Variants in SCOC observed in about 807,000 individuals in gnomAD.
The protein encoded by SCOC is short coiled-coil protein.
SCOC carries 7 observed loss-of-function variants against 9.9 expected under a neutral mutation model. The ratio of observed to expected loss-of-function variants is 0.71; its 90% CI spans 0.40 to 1.33. The LOEUF (loss-of-function observed/expected upper bound fraction) is 1.33, where lower values mean the gene tolerates loss of function less well. SCOC is among the 40% of genes most tolerant of loss of function. The pLI is 0.01. For missense variants in SCOC, 66 were observed against 89.7 expected (o/e 0.74, Z 1.07); for synonymous variants, 19 against 28.2 (o/e 0.67, Z 1.03).
chr4:140,268,533 G>A (rs1293565275), intron 1 of SCOC, among the ~76,000 whole-genome samples: 2 of 152,232 alleles, frequency 1.3e-5, no homozygotes, highest in Non-Finnish European at 2.9e-5. Context: ...CGAGCTGCAT[G>A]TTTAAATGAC....
At chr4:140,293,504 G>A (rs1407878578) in intron 1 of SCOC, 11 of 409,710 alleles carry the variant, frequency 2.7e-5, no homozygotes, top group Non-Finnish European at 4.9e-5. Flanking sequence ...AAGAAGAGAG[G>A]GAAAGAAGGA....
At chr4:140,302,201 G>T (rs1186209101) in intron 1 of SCOC, among the ~76,000 whole-genome samples, 1 of 152,116 alleles carries the variant, frequency 6.6e-6, no homozygotes, top group Non-Finnish European at 1.5e-5. Context: ...GATTTCTCAC[G>T]TAATGATTTG....
chr4:140,384,024 A>T lies in SCOC; in HGVS notation c.*2920A>T, dbSNP rs1227738574. On this transcript the variant is annotated 3_prime_UTR_variant, in exon 4 of 4. Transcript: ENST00000608372. The stretch of plus-strand genomic sequence containing the variant: ...CCCCCCAATCTCCCCCACCTCAAAA[A>T]TAATTTTGAACCTTTGCTGCTATTC... 3 of 152,254 alleles carry T rather than the reference A, an allele frequency of 2.0e-5. No individual in the cohort carries two copies. The highest frequency in any genetic ancestry group is 7.2e-5 in the African/African-American group (3 of 41,454). The allele number at this position is 152,254 out of a possible 1,614,324, so 9.4% of individuals were successfully genotyped here.
chr4:140,280,607 G>T (rs1253997559), intron 1 of SCOC, among the ~76,000 whole-genome samples: 1 of 152,182 alleles, frequency 6.6e-6, no homozygotes, highest in African/African-American at 2.4e-5. Flanking sequence ...CTTGGTATGC[G>T]TCTAGAATAA....
intron 1 of SCOC, among the ~76,000 whole-genome samples, chr4:140,313,119 C>A (rs924762689): frequency 6.6e-6 from 1 of 152,198 alleles, no homozygotes; most frequent in Non-Finnish European, 1.5e-5. Flanking sequence ...AGTCCTCCAC[C>A]TTTTCATGCC....
chr4:140,343,980 T>C (rs996116), intron 2 of SCOC, among the ~76,000 whole-genome samples: 126,078 of 152,150 alleles, frequency 0.83, 52,305 homozygotes, highest in African/African-American at 0.86. Flanking sequence ...GGAAACATGA[T>C]GTCAAAGTTG....
intron 2 of SCOC, among the ~76,000 whole-genome samples, chr4:140,363,044 C>T (rs7663838): frequency 0.13 from 20,300 of 152,140 alleles, 1,554 homozygotes; most frequent in East Asian, 0.22. Context: ...AAGCTTGCTT[C>T]CACTTGCCAT....
intron 1 of SCOC, among the ~76,000 whole-genome samples, chr4:140,259,558 G>GA (rs1342453711): frequency 2.0e-5 from 3 of 151,918 alleles, no homozygotes; most frequent in East Asian, 3.9e-4. Flanking sequence ...TCTATAAAAA[G>GA]AAAAAAAAGT....
chr4:140,366,745 T>C, intron 2 of SCOC: 2 of 1,550,788 alleles, frequency 1.3e-6, no homozygotes, highest in South Asian at 2.2e-5. Context: ...GCAAGGTCCA[T>C]CAACCAAAGC....
At chr4:140,361,243 T>C (rs991954435) in intron 2 of SCOC, among the ~76,000 whole-genome samples, 6 of 145,802 alleles carry the variant, frequency 4.1e-5, no homozygotes, top group African/African-American at 1.5e-4. Flanking sequence ...TTTTTTTTTT[T>C]CTGGAAAGTG....
At chr4:140,303,686 A>G (rs893079781) in intron 1 of SCOC, among the ~76,000 whole-genome samples, 7 of 152,188 alleles carry the variant, frequency 4.6e-5, no homozygotes, top group African/African-American at 1.7e-4. Context: ...AGCTGGAGCT[A>G]TGGGAACAAT....
chr4:140,372,732 G>A (rs1469938304), upstream of SCOC, among the ~76,000 whole-genome samples: 1 of 152,178 alleles, frequency 6.6e-6, no homozygotes, highest in Non-Finnish European at 1.5e-5. Context: ...GGAGACATAA[G>A]GCTTGTCTCT....
upstream of SCOC, among the ~76,000 whole-genome samples, chr4:140,343,166 A>G (rs905628319): frequency 4.6e-5 from 7 of 152,174 alleles, no homozygotes; most frequent in African/African-American, 1.7e-4. Flanking sequence ...CAGATAGAAC[A>G]TTGAGGCTCT....
At chr4:140,366,273 GC>G in intron 2 of SCOC, 4 of 1,373,280 alleles carry the variant, frequency 2.9e-6, no homozygotes, top group South Asian at 1.8e-5. Flanking sequence ...TGCTTTCTGG[GC>G]TGGAGCTTTT....
chr4:140,295,948 G>A (rs71628790), intron 1 of SCOC, among the ~76,000 whole-genome samples: 30,556 of 125,590 alleles, frequency 0.24, 6,322 homozygotes, highest in African/African-American at 0.57. Context: ...AAAAAAAAAA[G>A]AAAGAAAGAA....
At chr4:140,359,851 T>C (rs139143994) in intron 2 of SCOC, among the ~76,000 whole-genome samples, 1 of 152,262 alleles carries the variant, frequency 6.6e-6, no homozygotes, top group African/African-American at 2.4e-5. Flanking sequence ...GATACAATAG[T>C]GAGGGATAGG....
chr4:140,347,094 A>G (rs915101526), intron 2 of SCOC, among the ~76,000 whole-genome samples: 3 of 152,232 alleles, frequency 2.0e-5, no homozygotes, highest in African/African-American at 7.2e-5. Flanking sequence ...AGGTGCACAC[A>G]TCCCATAAAT....
intron 1 of SCOC, among the ~76,000 whole-genome samples, chr4:140,297,571 C>T (rs1431382881): frequency 6.6e-6 from 1 of 152,180 alleles, no homozygotes; most frequent in African/African-American, 2.4e-5. Flanking sequence ...CTCTTTCTCC[C>T]TCCTTCCCTT....
In SCOC at chr4:140,332,359, C is replaced by CTTT. The variant is rs70943486; in HGVS notation, c.-18-11234_-18-11232dup. 1.6e-3 allele frequency among the ~76,000 whole-genome samples: 121 copies of CTTT among 76,798 alleles called. 7 individuals are homozygous for CTTT. The highest frequency in any genetic ancestry group is 2.3e-3 in the South Asian group (5 of 2,138). The allele number at this position is 76,798 out of a possible 152,430, so 50.4% of individuals were successfully genotyped here. ...CTCATGCCAAAAACTCTGGAGTCAT[C>CTTT]TTTTTTTTTTTTTTTTTTTTTTTTT... is the stretch of plus-strand genomic sequence containing the variant. On this transcript the variant is annotated intron_variant, in intron 1 of 4. Transcript: ENST00000394205.
Sources: allele counts gnomAD v4.1 joint callset (sites outside exome capture counted in the v4.1 genomes callset), GRCh38; gene constraint gnomAD v4.1.1; transcripts MANE v1.5; gene names NCBI Gene and HGNC (gene_info 2026-07-23, HGNC 2026-07-21).